CUEDC2: variants seen among roughly 807,000 people sequenced by gnomAD.
CUEDC2 encodes CUE domain containing 2, also known as CUE domain-containing protein 2.
In CUEDC2, 10 loss-of-function variants were observed where a neutral mutation model predicts 36.0. The ratio of observed to expected loss-of-function variants is 0.28; its 90% CI spans 0.17 to 0.47. The LOEUF (loss-of-function observed/expected upper bound fraction) is 0.47. Ranked by LOEUF, CUEDC2 falls within the 20% of genes least tolerant of loss-of-function variation. CUEDC2 has a pLI of 0.99. For missense variants in CUEDC2, 269 were observed against 368.1 expected, an observed-to-expected ratio of 0.73 and a Z score of 2.20; for synonymous variants, 133 against 141.8, an observed-to-expected ratio of 0.94 and a Z score of 0.44.
chr10:102,427,418 A>G (rs2061601111), intron 1 of CUEDC2, among the ~76,000 whole-genome samples: 1 of 152,164 alleles, frequency 6.6e-6, no homozygotes, highest in African/African-American at 2.4e-5. Flanking sequence ...TGCCACGTGT[A>G]TGTTTTACAG....
At chr10:102,425,026 G>A in intron 2 of CUEDC2, 89 bp downstream of exon 2, 4 of 1,177,702 alleles carry the variant, frequency 3.4e-6, no homozygotes, top group Non-Finnish European at 5.0e-6. Context: ...CAGCCCTCCT[G>A]CTGTCTTTCC....
At position 102,424,154 on chromosome 10, in the gene CUEDC2, G is replaced by A. The variant is rs1284971854; in HGVS notation, c.436C>T (p.Leu146=). The A allele has an allele frequency of 6.2e-7, 1 of 1,614,018 alleles. No individual in the cohort carries two copies. Among genetic ancestry groups the A allele is most frequent in the South Asian group, 1.1e-5 (1 of 91,080 alleles). ...DEATGAEEEL[L]PGVDVLLEVF... ...TCCAGGAGTACATCCACCCCTGGCA[G>A]AAGCTCCTCCTCAGCGCCAGTTGCC... Residue 146 remains leucine, a synonymous_variant, in exon 6 of 9, where the codon CTG becomes TTG. Coordinates refer to ENST00000369937, the MANE Select transcript of CUEDC2 (RefSeq NM_024040.3). The surrounding 1 kb of genome is among the most constrained non-coding windows in gnomAD (Gnocchi z 4.2).
At position 102,424,850 on chromosome 10, in the gene CUEDC2, C is replaced by A; in HGVS notation, c.75-58G>T. On this transcript the variant is annotated intron_variant, in intron 2 of 8. Coordinates refer to ENST00000369937, the MANE Select transcript of CUEDC2 (RefSeq NM_024040.3). The surrounding 1 kb of genome is among the most constrained non-coding windows in gnomAD (Gnocchi z 4.2). Reference sequence around the variant, plus strand: ...GGACACTGGATGCCTCCAGCACCCCCACCTATCCTGAGACTCCAGCCCTCA... The same window carrying A: ...GGACACTGGATGCCTCCAGCACCCCAACCTATCCTGAGACTCCAGCCCTCA... 1 of 1,575,436 alleles carries A rather than the reference C, an allele frequency of 6.3e-7. No individual in the cohort carries two copies. The highest frequency in any genetic ancestry group is 1.1e-5 in the South Asian group (1 of 88,246).
rs1335926138 is a variant in CUEDC2 at position 102,423,842 on chromosome 10, G to C, written c.612C>G (p.Leu204=). The change falls in exon 7 of 9, where the codon CTC becomes CTG. Residue 204 remains leucine (L), a synonymous_variant. Transcript: ENST00000369937. This position sits in a 1 kb window ranked among gnomAD's most constrained non-coding sequence, Gnocchi z 5.6. ...EGPNQDLPRR[L]RGPQKDELKS... is the part of the protein sequence containing the mutation. ...TCAGCTCATCCTTTTGGGGGCCTCT[G>C]AGGCGTCTGGGCAGGTCCTGCAGAG... is the stretch of plus-strand genomic sequence containing the variant. 3 of 1,613,526 alleles carry C rather than the reference G, an allele frequency of 1.9e-6. No homozygotes were observed. Among genetic ancestry groups the C allele is most frequent in the African/African-American group, 1.3e-5 (1 of 74,920 alleles).
intron 1 of CUEDC2, among the ~76,000 whole-genome samples, chr10:102,425,457 A>AC (rs1837171816): frequency 7.4e-5 from 1 of 13,472 alleles, no homozygotes; most frequent in Non-Finnish European, 1.6e-4. Flanking sequence ...ACCTCTCCCC[A>AC]CCCCCCTACC....
intron 2 of CUEDC2, 75 bp downstream of exon 2, chr10:102,425,040 A>C: frequency 7.8e-7 from 1 of 1,285,806 alleles, no homozygotes. Context: ...TCTTTCCATC[A>C]GCCAGTACCC....
chr10:102,428,245 T>C (rs1381490137), intron 1 of CUEDC2, among the ~76,000 whole-genome samples: 1 of 152,194 alleles, frequency 6.6e-6, no homozygotes, highest in African/African-American at 2.4e-5. Context: ...GGCCCCACCC[T>C]GGCTTTCTTT....
chr10:102,431,175 T>C (rs551944984), intron 1 of CUEDC2, among the ~76,000 whole-genome samples: 1 of 152,392 alleles, frequency 6.6e-6, no homozygotes, highest in Admixed American at 6.5e-5. Context: ...AGTCTCGCTC[T>C]GCCATCCAGG....
In CUEDC2 at chr10:102,425,675, G is replaced by A. The variant is rs1387502442; in HGVS notation, c.-10-477C>T. Among the ~76,000 whole-genome samples, 31 of 151,884 alleles carry A rather than the reference G, an allele frequency of 2.0e-4. 1 individual carries two copies. The highest frequency in any genetic ancestry group is 2.0e-3 in the Admixed American group (30 of 15,272). On this transcript the variant is annotated intron_variant, in intron 1 of 8. Transcript: ENST00000369937. Reference sequence around the variant, plus strand: ...GGCCACCCACCCTCTGCACAAAGGGGCTTTTCTGGCTCTGGGGCCCAGATA... The same window carrying A: ...GGCCACCCACCCTCTGCACAAAGGGACTTTTCTGGCTCTGGGGCCCAGATA...
At chr10:102,430,730 C>T (rs1034168384) in intron 1 of CUEDC2, among the ~76,000 whole-genome samples, 10 of 152,190 alleles carry the variant, frequency 6.6e-5, no homozygotes, top group Non-Finnish European at 1.5e-4. Flanking sequence ...TTCCTAAGTA[C>T]ATCCTTCCTG....
At chr10:102,431,834 A>G (rs1254378611) in intron 1 of CUEDC2, among the ~76,000 whole-genome samples, 2 of 152,180 alleles carry the variant, frequency 1.3e-5, no homozygotes, top group Admixed American at 6.5e-5. Flanking sequence ...TGGACCCTCC[A>G]GATGCTAGAT....
Position 102,425,208 on chromosome 10 carries a change from CACAG to C in CUEDC2, c.-10-14_-10-11del, listed in dbSNP as rs750959978. On this transcript the variant is annotated splice_polypyrimidine_tract_variant and intron_variant, in intron 1 of 8. Coordinates refer to ENST00000369937, the MANE Select transcript of CUEDC2 (RefSeq NM_024040.3). ...CTCCATGCTCTCTCTTCTGAAGGGACACAGACAGGATGGCCAGGCCTTCTTCTGC... is the reference window on the plus strand; with the variant it reads ...CTCCATGCTCTCTCTTCTGAAGGGACACAGGATGGCCAGGCCTTCTTCTGC... 2 of 1,609,280 alleles carry C rather than the reference CACAG, an allele frequency of 1.2e-6. No individual in the cohort carries two copies. The highest frequency in any genetic ancestry group is 4.5e-5 in the East Asian group (2 of 44,850).
In CUEDC2 at chr10:102,425,091, G is replaced by C. The variant is rs760866177; in HGVS notation, c.74+24C>G. ...AGCTCCAGCTCCAGCACTGACATGA[G>C]CCTTCCGGGGGACCCGTCTCTACCT... is the stretch of plus-strand genomic sequence containing the variant. On this transcript the variant is annotated intron_variant, in intron 2 of 8. Transcript: ENST00000369937. 8.1e-6 allele frequency: 13 copies of C among 1,602,348 alleles called. 1 individual carries two copies. In the South Asian group the frequency reaches 1.3e-4, roughly 16 times the overall value.
intron 1 of CUEDC2, 62 bp from the exon 2 acceptor site, chr10:102,425,260 G>C: frequency 7.9e-7 from 1 of 1,265,866 alleles, no homozygotes; most frequent in Non-Finnish European, 1.1e-6. Context: ...ACTGGGCCTG[G>C]GGGCAGTGGC....
chr10:102,424,148 C>G lies in CUEDC2; in HGVS notation c.442G>C (p.Gly148Arg). The G allele has an allele frequency of 6.2e-7, 1 of 1,614,056 alleles. No individual in the cohort carries two copies. Among genetic ancestry groups the G allele is most frequent in the Non-Finnish European group, 8.5e-7 (1 of 1,179,966 alleles). The change falls in exon 6 of 9, where the codon GGG becomes CGG. Residue 148 changes from glycine (G) to arginine (R), a missense_variant. Physicochemically the swap from Gly to Arg is moderately radical, Grantham distance 125 (BLOSUM62 -2). Transcript: ENST00000369937. This position sits in a 1 kb window ranked among gnomAD's most constrained non-coding sequence, Gnocchi z 4.2. ...ATGAEEELLP[G>R]VDVLLEVFPT... ...AACACCTCCAGGAGTACATCCACCC[C>G]TGGCAGAAGCTCCTCCTCAGCGCCA...
chr10:102,424,409 G>C lies in CUEDC2; in HGVS notation c.281-15C>G. ...TTGCAGGTTCTCTTAAAGAGGCAAA[G>C]AGAGCATCAGGTTTGCCAAGGCTCT... On this transcript the variant is annotated splice_polypyrimidine_tract_variant and intron_variant, in intron 4 of 8. Transcript: ENST00000369937. This position sits in a 1 kb window ranked among gnomAD's most constrained non-coding sequence, Gnocchi z 4.2. 6.2e-7 allele frequency: 1 copy of C among 1,613,812 alleles called. No homozygotes were observed. The highest frequency in any genetic ancestry group is 8.5e-7 in the Non-Finnish European group (1 of 1,179,720).
chr10:102,428,044 C>T (rs1359456142), intron 1 of CUEDC2, among the ~76,000 whole-genome samples: 8 of 152,114 alleles, frequency 5.3e-5, no homozygotes, highest in African/African-American at 1.9e-4. Context: ...TGGGTTCAAG[C>T]GATTCTCCTG....
At chr10:102,430,515 T>A (rs2061613475) in intron 1 of CUEDC2, among the ~76,000 whole-genome samples, 1 of 152,358 alleles carries the variant, frequency 6.6e-6, no homozygotes, top group East Asian at 1.9e-4. Flanking sequence ...ATGTGTCTCA[T>A]GCTTCTGGGT....
At chr10:102,432,105 C>T (rs2061618695) in intron 1 of CUEDC2, among the ~76,000 whole-genome samples, 1 of 152,168 alleles carries the variant, frequency 6.6e-6, no homozygotes, top group African/African-American at 2.4e-5. Flanking sequence ...CAGAGGATAT[C>T]ATTGTCCTCT....
Sources: gnomAD v4.1 joint callset for allele counts (sites outside exome capture counted in the v4.1 genomes callset) on GRCh38, gnomAD v4.1.1 for gene constraint, Gnocchi (gnomAD v3.1) non-coding constraint, MANE v1.5 for transcripts, NCBI Gene and HGNC (gene_info 2026-07-23, HGNC 2026-07-21) for gene names.